Variants in WARS2 observed in about 807,000 individuals in gnomAD.
WARS2 encodes the protein tryptophanyl tRNA synthetase 2, mitochondrial.
Under a neutral mutation model 36.5 loss-of-function variants are expected in WARS2, and 28 were observed. The ratio of observed to expected loss-of-function variants is 0.77; its 90% CI spans 0.57 to 1.05. WARS2 has a LOEUF of 1.05. WARS2 is among the 50% of genes least tolerant of loss of function. The pLI, the probability that WARS2 is intolerant of heterozygous loss-of-function variation, is 0.00. For missense variants in WARS2, 435 were observed against 456.8 expected, an observed-to-expected ratio of 0.95 and a Z score of 0.44; for synonymous variants, 174 against 178.4, an observed-to-expected ratio of 0.98 and a Z score of 0.20.
chr1:119,126,640 G>A (rs192611422), intron 1 of WARS2: 37 of 706,496 alleles, frequency 5.2e-5, no homozygotes, highest in East Asian at 1.5e-4. Context: ...CCTTCACCAC[G>A]AAGCTCCATA....
At chr1:119,126,093 T>G (rs1252323524) in intron 1 of WARS2, among the ~76,000 whole-genome samples, 3 of 152,164 alleles carry the variant, frequency 2.0e-5, no homozygotes, top group African/African-American at 7.2e-5. Context: ...CCTACCTGTC[T>G]TCTCTTCTTC....
intron 2 of WARS2, among the ~76,000 whole-genome samples, chr1:119,049,198 A>C (rs375121306): frequency 1.3e-5 from 2 of 152,358 alleles, no homozygotes; most frequent in Non-Finnish European, 1.5e-5. Flanking sequence ...GCAGCACACC[A>C]GCGGGCCACT....
At chr1:119,061,673 G>GT (rs1251961624) in intron 2 of WARS2, among the ~76,000 whole-genome samples, 1 of 151,962 alleles carries the variant, frequency 6.6e-6, no homozygotes, top group Non-Finnish European at 1.5e-5. Context: ...TGCTCTGTCT[G>GT]TAAGTACAGA....
intron 2 of WARS2, among the ~76,000 whole-genome samples, chr1:119,075,836 C>T (rs1361527417): frequency 1.3e-5 from 2 of 152,224 alleles, no homozygotes; most frequent in African/African-American, 4.8e-5. Context: ...ACACAACACA[C>T]TGGGACTTTG....
At chr1:119,131,869 T>G (rs1378002311) in intron 1 of WARS2, among the ~76,000 whole-genome samples, 2 of 151,824 alleles carry the variant, frequency 1.3e-5, no homozygotes, top group Non-Finnish European at 2.9e-5. Context: ...TTTTGGGAGA[T>G]TAACAAAGTC....
At chr1:119,052,996 A>G (rs1276579774) in intron 2 of WARS2, among the ~76,000 whole-genome samples, 1 of 152,202 alleles carries the variant, frequency 6.6e-6, no homozygotes, top group African/African-American at 2.4e-5. Flanking sequence ...TCCACTGGCT[A>G]AAGTAAACCA....
In WARS2 at chr1:119,081,009, G is replaced by A. The variant is rs587685291; in HGVS notation, c.91-4402C>T. 5.3e-5 allele frequency among the ~76,000 whole-genome samples: 8 copies of A among 152,280 alleles called. No homozygotes were observed. In the South Asian group the frequency reaches 1.5e-3, roughly 28 times the overall value. ...TTTCAGGCATATTTCCCTGGTAAAT[G>A]CCACTTCCAGCCTATACATTTATTG... On this transcript the variant is annotated intron_variant, in intron 1 of 5. Transcript: ENST00000235521.
intron 1 of WARS2, among the ~76,000 whole-genome samples, chr1:119,083,417 G>C (rs774007606): frequency 6.6e-6 from 1 of 152,144 alleles, no homozygotes; most frequent in Non-Finnish European, 1.5e-5. Flanking sequence ...GAACTTCCTA[G>C]CCTCCAGAAC....
chr1:119,110,942 T>C (rs1654587040), intron 1 of WARS2, among the ~76,000 whole-genome samples: 2 of 152,302 alleles, frequency 1.3e-5, no homozygotes, highest in East Asian at 3.9e-4. Context: ...ATCAAAGGCA[T>C]TCTTCACTTC....
chr1:119,085,354 G>C (rs746309513), intron 1 of WARS2: 52 of 1,360,696 alleles, frequency 3.8e-5, no homozygotes, highest in Non-Finnish European at 5.4e-5. Flanking sequence ...TTGCTGCTGT[G>C]CTTCTTAGGG....
chr1:119,110,323 G>A (rs587776045), intron 1 of WARS2, among the ~76,000 whole-genome samples: 1 of 152,092 alleles, frequency 6.6e-6, no homozygotes, highest in East Asian at 1.9e-4. Context: ...CAGGTGTCCT[G>A]TAACAAATTC....
intron 1 of WARS2, among the ~76,000 whole-genome samples, chr1:119,129,022 T>C (rs1398635021): frequency 2.0e-5 from 3 of 152,242 alleles, no homozygotes; most frequent in Non-Finnish European, 2.9e-5. Context: ...GCTGAAACAC[T>C]GAAATTTCAA....
intron 1 of WARS2, chr1:119,127,388 C>G: frequency 2.3e-6 from 1 of 428,136 alleles, no homozygotes; most frequent in South Asian, 2.2e-5. Context: ...AGCGACTGCA[C>G]AAGGTCACAC....
At chr1:119,038,699 G>C (rs549450343) in intron 4 of WARS2, among the ~76,000 whole-genome samples, 68 of 151,586 alleles carry the variant, frequency 4.5e-4, no homozygotes, top group Non-Finnish European at 7.2e-4. Flanking sequence ...TTTATTTTTT[G>C]AGATAGAGTC....
intron 1 of WARS2, chr1:119,085,897 G>T: frequency 6.2e-7 from 1 of 1,610,554 alleles, no homozygotes. Flanking sequence ...GCCACCCCAA[G>T]CTGGACCTCT....
At chr1:119,085,526 T>G in intron 1 of WARS2, 1 of 1,603,276 alleles carries the variant, frequency 6.2e-7, no homozygotes, top group Non-Finnish European at 8.5e-7. Flanking sequence ...CAGACAAACT[T>G]GGTGAGGGGG....
rs1460056954 is a variant in WARS2 at position 119,032,720 on chromosome 1, T to C, written c.*191A>G. Reference sequence around the variant, plus strand: ...TTTTTTGTTGTTGTTGTTCACAGCATTTTGTTGATGGGATTTGGAACACTG... The same window carrying C: ...TTTTTTGTTGTTGTTGTTCACAGCACTTTGTTGATGGGATTTGGAACACTG... On this transcript the variant is annotated 3_prime_UTR_variant, in exon 6 of 6. Transcript: ENST00000235521. The C allele has an allele frequency of 1.7e-6, 1 of 605,712 alleles. No individual in the cohort carries two copies. 37.5% of individuals were successfully genotyped at this position (605,712 alleles called of 1,614,324 possible). A position where few individuals can be genotyped will look rare whatever the true frequency, so the allele number is the denominator to read the frequency against.
At chr1:119,135,555 T>C (rs1656421256) in intron 1 of WARS2, among the ~76,000 whole-genome samples, 1 of 152,234 alleles carries the variant, frequency 6.6e-6, no homozygotes, top group African/African-American at 2.4e-5. Context: ...TAGTTTCCTC[T>C]TTTATAAAAT....
intron 1 of WARS2, among the ~76,000 whole-genome samples, chr1:119,102,827 T>C (rs935262337): frequency 2.0e-5 from 3 of 152,200 alleles, no homozygotes; most frequent in African/African-American, 7.2e-5. Flanking sequence ...CAATAGGCTG[T>C]TTTTGTCTTG....
Sources: allele counts gnomAD v4.1 joint callset (sites outside exome capture counted in the v4.1 genomes callset), GRCh38; gene constraint gnomAD v4.1.1; transcripts MANE v1.5; gene names NCBI Gene and HGNC (gene_info 2026-07-23, HGNC 2026-07-21).